CHP2: variants seen among roughly 807,000 people sequenced by gnomAD.
The protein encoded by CHP2 is calcineurin B homologous protein 2.
A neutral mutation model predicts 24.7 loss-of-function variants in CHP2; 31 were observed. The ratio of observed to expected loss-of-function variants is 1.26; its 90% CI spans 0.94 to 1.69. The LOEUF is 1.69. Ranked by LOEUF, CHP2 falls within the 40% of genes most tolerant of loss-of-function variation. The pLI is 0.00. For synonymous variants in CHP2, 97 were observed against 99.1 expected (o/e 0.98, Z 0.13); for missense variants, 319 against 261.5 (o/e 1.22, Z -1.52).
Position 23,757,831 on chromosome 16 carries a change from G to T in CHP2, c.*248G>T. 1.8e-6 allele frequency: 1 copy of T among 553,168 alleles called. No individual in the cohort carries two copies. Among genetic ancestry groups the T allele is most frequent in the Non-Finnish European group, 3.2e-6 (1 of 308,682 alleles). The allele number at this position is 553,168 out of a possible 1,614,324, so 34.3% of individuals were successfully genotyped here. ...GGGATGGTTTTGGGATGATTCAAGTGCATTACATTTATTGTGCACTTTATT... is the reference window on the plus strand; with the variant it reads ...GGGATGGTTTTGGGATGATTCAAGTTCATTACATTTATTGTGCACTTTATT... On this transcript the variant is annotated 3_prime_UTR_variant, in exon 7 of 7. Coordinates refer to ENST00000300113, the MANE Select transcript of CHP2 (RefSeq NM_022097.4).
rs1431819116 is a variant in CHP2, at chr16:23,757,593, T to C, written c.*10T>C. On this transcript the variant is annotated 3_prime_UTR_variant, in exon 7 of 7. Transcript: ENST00000300113. ...CCGGATCCTGAAGTGACTCCGTTTG[T>C]GCCTTGGGCTTGCTCCTGCAACCAG... 2 of 1,613,466 alleles carry C rather than the reference T, an allele frequency of 1.2e-6. No homozygotes were observed. Among genetic ancestry groups the C allele is most frequent in the African/African-American group, 2.7e-5 (2 of 74,912 alleles).
At position 23,757,161 on chromosome 16, in the gene CHP2, G is replaced by A. The variant is rs374443313; in HGVS notation, c.415-40G>A. ...TAGGAGATGGGGAGTTGCAGCCTTCGTGCCCCCTCCTTATGGCTGCCTCTT... is the reference window on the plus strand; with the variant it reads ...TAGGAGATGGGGAGTTGCAGCCTTCATGCCCCCTCCTTATGGCTGCCTCTT... On this transcript the variant is annotated intron_variant, in intron 5 of 6. Coordinates refer to ENST00000300113, the MANE Select transcript of CHP2 (RefSeq NM_022097.4). 4.0e-5 allele frequency: 64 copies of A among 1,612,904 alleles called. 1 individual carries two copies. In the South Asian group the frequency reaches 4.5e-4, roughly 11 times the overall value.
In CHP2 at chr16:23,755,564, C is replaced by G. The variant is rs1961209451; in HGVS notation, c.68-97C>G. ...GGGATGATCGCCCCTTCCAGCCAGC[C>G]CCCGCTGTTCTGGCCCATCTTCCTG... On this transcript the variant is annotated intron_variant, in intron 1 of 6. Coordinates refer to ENST00000300113, the MANE Select transcript of CHP2 (RefSeq NM_022097.4). The G allele has an allele frequency of 4.8e-6, 5 of 1,050,786 alleles. No homozygotes were observed. In the South Asian group the frequency reaches 6.4e-5, roughly 13 times the overall value. The allele number at this position is 1,050,786 out of a possible 1,614,324, so 65.1% of individuals were successfully genotyped here. A position where few individuals can be genotyped will look rare whatever the true frequency, so the allele number is the denominator to read the frequency against.
intron 4 of CHP2, 21 bp downstream of exon 4, chr16:23,756,214 A>T (rs751388471): frequency 6.2e-7 from 1 of 1,613,406 alleles, no homozygotes; most frequent in Admixed American, 1.7e-5. Context: ...GAGGACCTGC[A>T]CAAGTGAGAA....
rs544227795 is a variant in CHP2, at chr16:23,755,693, C to A, written c.100C>A (p.Arg34=). Residue 34 remains arginine, a synonymous_variant, in exon 2 of 7, where the codon CGG becomes AGG. Coordinates refer to ENST00000300113, the MANE Select transcript of CHP2 (RefSeq NM_022097.4). The stretch of plus-strand genomic sequence containing the variant: ...AGCCAGCCTGCTCCGCCTGCACCAC[C>A]GGTTCCGGGCACTGGACAGGAATAA... ...SQASLLRLHH[R]FRALDRNKKG... 1 of 1,614,168 alleles carries A rather than the reference C, an allele frequency of 6.2e-7. No individual in the cohort carries two copies. The highest frequency in any genetic ancestry group is 2.2e-5 in the East Asian group (1 of 44,866).
At chr16:23,756,221 A>G in intron 4 of CHP2, 28 bp downstream of exon 4, 1 of 1,613,124 alleles carries the variant, frequency 6.2e-7, no homozygotes, top group Non-Finnish European at 8.5e-7. Flanking sequence ...TGCACAAGTG[A>G]GAATGCAGAT....
At chr16:23,755,514 C>A in intron 1 of CHP2, 147 bp from the exon 2 acceptor site, 1 of 705,530 alleles carries the variant, frequency 1.4e-6, no homozygotes, top group Non-Finnish European at 2.5e-6. Context: ...CCCTCCGCCC[C>A]GGCCAGCTCA....
Position 23,755,678 on chromosome 16 carries a change from C to G in CHP2, c.85C>G (p.Leu29Val), listed in dbSNP as rs1246423669. ...RETGFSQASL[L>V]RLHHRFRALD... ...TCCCGCAGTCTCCCAAGCCAGCCTGCTCCGCCTGCACCACCGGTTCCGGGC... is the reference window on the plus strand; with the variant it reads ...TCCCGCAGTCTCCCAAGCCAGCCTGGTCCGCCTGCACCACCGGTTCCGGGC... The change falls in exon 2 of 7, where the codon CTC (leucine) becomes GTC (valine). Residue 29 changes from leucine to valine, a missense_variant. Physicochemically the swap from Leu to Val is conservative, Grantham distance 32. Coordinates refer to ENST00000300113, the MANE Select transcript of CHP2 (RefSeq NM_022097.4). The G allele has an allele frequency of 6.2e-7, 1 of 1,614,082 alleles. No individual in the cohort carries two copies. The highest frequency in any genetic ancestry group is 1.3e-5 in the African/African-American group (1 of 75,018).
At chr16:23,756,230 A>G in intron 4 of CHP2, 37 bp downstream of exon 4, 1 of 1,612,300 alleles carries the variant, frequency 6.2e-7, no homozygotes, top group Non-Finnish European at 8.5e-7. Flanking sequence ...GAGAATGCAG[A>G]TGTACCCACA....
In CHP2 at chr16:23,757,242, G is replaced by T. The variant is rs1961238177; in HGVS notation, c.456G>T (p.Gln152His). 6.2e-7 allele frequency: 1 copy of T among 1,613,986 alleles called. No individual in the cohort carries two copies. The highest frequency in any genetic ancestry group is 8.5e-7 in the Non-Finnish European group (1 of 1,180,018). Residue 152 changes from glutamine to histidine, a missense_variant, in exon 6 of 7, where the codon CAG (glutamine) becomes CAT (histidine). Gln to His is a conservative substitution (Grantham distance 24). Coordinates refer to ENST00000300113, the MANE Select transcript of CHP2 (RefSeq NM_022097.4). ...LMVGVQVTEE[Q>H]LENIADRTVQ... The stretch of plus-strand genomic sequence containing the variant: ...TTGGGGTACAGGTGACAGAAGAGCA[G>T]CTGGAGAACATCGCTGACCGCACGG...
At chr16:23,757,384 G>C in intron 6 of CHP2, 61 bp downstream of exon 6, 2 of 1,594,684 alleles carry the variant, frequency 1.3e-6, no homozygotes. Flanking sequence ...GACAGACTTG[G>C]GAAACGTTCA....
rs756615624 is a variant in CHP2, at chr16:23,755,134, G to A, written c.67+18G>A. 3 of 1,589,116 alleles carry A rather than the reference G, an allele frequency of 1.9e-6. No homozygotes were observed. Among genetic ancestry groups the A allele is most frequent in the Admixed American group, 3.4e-5 (2 of 58,458 alleles). On this transcript the variant is annotated intron_variant, in intron 1 of 6. Coordinates refer to ENST00000300113, the MANE Select transcript of CHP2 (RefSeq NM_022097.4). Reference sequence around the variant, plus strand: ...GACCGGCTGTGAGTGCGCCCGCGTCGGCGGCTGCGGAGGGGACGGGGCGAA... The same window carrying A: ...GACCGGCTGTGAGTGCGCCCGCGTCAGCGGCTGCGGAGGGGACGGGGCGAA...
rs1199473708 is a variant in CHP2, at chr16:23,758,516, C to T, written c.*933C>T. ...GGAGATGACCACCATCAGCTCCAGG[C>T]TTCTATCCTGCTAACCCAGTAACCC... On this transcript the variant is annotated 3_prime_UTR_variant, in exon 7 of 7. Coordinates refer to ENST00000300113, the MANE Select transcript of CHP2 (RefSeq NM_022097.4). The T allele has an allele frequency of 1.3e-5, 2 of 152,184 alleles. No homozygotes were observed. Among genetic ancestry groups the T allele is most frequent in the African/African-American group, 4.8e-5 (2 of 41,438 alleles). The allele number at this position is 152,184 out of a possible 1,614,324, so 9.4% of individuals were successfully genotyped here. A position where few individuals can be genotyped will look rare whatever the true frequency, so the allele number is the denominator to read the frequency against.
chr16:23,757,462 G>A (rs1427417501), intron 6 of CHP2, 68 bp from the exon 7 acceptor site: 9 of 1,586,994 alleles, frequency 5.7e-6, no homozygotes, highest in Non-Finnish European at 7.8e-6. Context: ...TAGAACCCTG[G>A]GGGAGGAGGT....
Position 23,757,792 on chromosome 16 carries a change from C to T in CHP2, c.*209C>T, listed in dbSNP as rs909170955. 2.6e-4 allele frequency: 159 copies of T among 605,116 alleles called. No homozygotes were observed. The highest frequency in any genetic ancestry group is 1.7e-4 in the East Asian group (6 of 35,486). 37.5% of individuals were successfully genotyped at this position (605,116 alleles called of 1,614,324 possible). A position where few individuals can be genotyped will look rare whatever the true frequency, so the allele number is the denominator to read the frequency against. ...TTTGGCATCAGGGACAGTTTTTCCACGGATGGGTGACAGGGGATGGTTTTG... is the reference window on the plus strand; with the variant it reads ...TTTGGCATCAGGGACAGTTTTTCCATGGATGGGTGACAGGGGATGGTTTTG... On this transcript the variant is annotated 3_prime_UTR_variant, in exon 7 of 7. Transcript: ENST00000300113.
chr16:23,755,395 A>C (rs1961207338), intron 1 of CHP2: 2 of 597,764 alleles, frequency 3.3e-6, no homozygotes, highest in Admixed American at 5.9e-5. Flanking sequence ...CTCGAAGCTG[A>C]AGGCAGAGCT....
At chr16:23,756,568 G>A (rs1961229218) in intron 5 of CHP2, 119 bp downstream of exon 5, 1 of 862,992 alleles carries the variant, frequency 1.2e-6, no homozygotes, top group Admixed American at 2.0e-5. Context: ...TGGGGTATTG[G>A]TTGGGAAATG....
intron 1 of CHP2, 169 bp downstream of exon 1, chr16:23,755,285 G>A (rs1961205974): frequency 1.5e-5 from 9 of 605,102 alleles, no homozygotes; most frequent in Non-Finnish European, 2.6e-5. Flanking sequence ...GGTTAGGGGC[G>A]GGTTAACCTA....
chr16:23,758,702 G>C lies in CHP2; in HGVS notation c.*1119G>C, dbSNP rs1320205389. Reference sequence around the variant, plus strand: ...CAGGGAAATAAGGTCTGAGGATTCAGGATGGGGTGAAAGGTGGTTGCTTAA... The same window carrying C: ...CAGGGAAATAAGGTCTGAGGATTCACGATGGGGTGAAAGGTGGTTGCTTAA... On this transcript the variant is annotated 3_prime_UTR_variant, in exon 7 of 7. Coordinates refer to ENST00000300113, the MANE Select transcript of CHP2 (RefSeq NM_022097.4). 3 of 152,306 alleles carry C rather than the reference G, an allele frequency of 2.0e-5. No homozygotes were observed. Among genetic ancestry groups the C allele is most frequent in the Non-Finnish European group, 4.4e-5 (3 of 68,120 alleles). 9.4% of individuals were successfully genotyped at this position (152,306 alleles called of 1,614,324 possible). A position where few individuals can be genotyped will look rare whatever the true frequency, so the allele number is the denominator to read the frequency against.
Sources: allele counts gnomAD v4.1 joint callset, GRCh38; gene constraint gnomAD v4.1.1; transcripts MANE v1.5; gene names NCBI Gene and HGNC (gene_info 2026-07-23, HGNC 2026-07-21).